The following ARHGAP12 variants were observed in gnomAD, a reference collection of about 807,000 sequenced individuals.
ARHGAP12 encodes rho GTPase-activating protein 12.
Under a neutral mutation model 108.6 loss-of-function variants are expected in ARHGAP12, and 64 were observed. The ratio of observed to expected loss-of-function variants is 0.59; its 90% CI spans 0.48 to 0.73. The LOEUF is 0.73. ARHGAP12 is among the 30% of genes least tolerant of loss of function. The pLI is 0.00. For synonymous variants in ARHGAP12, 312 were observed against 337.2 expected, an observed-to-expected ratio of 0.93 and a Z score of 0.82; for missense variants, 940 against 1,005.9, an observed-to-expected ratio of 0.93 and a Z score of 0.89.
chr10:31,850,050 G>C (rs928836452), intron 6 of ARHGAP12, among the ~76,000 whole-genome samples: 11 of 152,004 alleles, frequency 7.2e-5, no homozygotes, highest in Non-Finnish European at 1.6e-4. Context: ...CCCTGACCTG[G>C]GACAAATCAC....
intron 3 of ARHGAP12, among the ~76,000 whole-genome samples, chr10:31,897,046 T>C (rs1345105994): frequency 6.6e-6 from 1 of 151,970 alleles, no homozygotes. Flanking sequence ...CTTCTAGGAG[T>C]GGCAGTCTTG....
intron 1 of ARHGAP12, among the ~76,000 whole-genome samples, chr10:31,925,155 T>G (rs902735168): frequency 6.6e-6 from 1 of 152,186 alleles, no homozygotes; most frequent in Non-Finnish European, 1.5e-5. Flanking sequence ...AAATAGTGCA[T>G]GGAGCATGGC....
intron 3 of ARHGAP12, among the ~76,000 whole-genome samples, chr10:31,897,889 G>A (rs1838765386): frequency 6.6e-6 from 1 of 152,194 alleles, no homozygotes; most frequent in Non-Finnish European, 1.5e-5. Flanking sequence ...ACTTTGGGAG[G>A]TCAAGGCAGG....
At chr10:31,921,886 G>A (rs1380884649) in intron 1 of ARHGAP12, among the ~76,000 whole-genome samples, 3 of 151,476 alleles carry the variant, frequency 2.0e-5, no homozygotes, top group East Asian at 1.9e-4. Context: ...CCAGAGCCTG[G>A]TTCTTTAAGA....
intron 3 of ARHGAP12, among the ~76,000 whole-genome samples, chr10:31,892,570 G>A (rs1026449305): frequency 9.2e-5 from 14 of 152,280 alleles, no homozygotes; most frequent in South Asian, 6.2e-4. Flanking sequence ...AAACATATAC[G>A]CATCCAATAC....
At chr10:31,856,991 A>G (rs963721115) in intron 4 of ARHGAP12, among the ~76,000 whole-genome samples, 3 of 152,244 alleles carry the variant, frequency 2.0e-5, no homozygotes, top group Non-Finnish European at 4.4e-5. Context: ...TACTAATATT[A>G]TATGTCTTGG....
At chr10:31,928,196 ACACCCGCCTTTTGCAGACACACGCGCGCG>A (rs2132520920) in intron 1 of ARHGAP12, among the ~76,000 whole-genome samples, 1 of 143,768 alleles carries the variant, frequency 7.0e-6, no homozygotes, top group Admixed American at 7.1e-5. Context: ...ACACACACAC[ACACCCGCCTTTTGCAGACACACGCGCGCG>A]CACACACCCG....
Position 31,807,690 on chromosome 10 carries a change from GAATT to G in ARHGAP12, c.2505_2508del (p.Leu835PhefsTer5). On this transcript the variant is annotated frameshift_variant, in exon 20 of 20. Coordinates refer to ENST00000344936, the MANE Select transcript of ARHGAP12 (RefSeq NM_018287.7). LOFTEE classifies it high-confidence loss of function. Reference sequence around the variant, plus strand: ...CCGAAGATGGAACTCAGTTCCAGAAGAATTAATTCTACAATCTGATTCTGGTACA... The same window carrying G: ...CCGAAGATGGAACTCAGTTCCAGAAGAATTCTACAATCTGATTCTGGTACA... The G allele has an allele frequency of 6.2e-7, 1 of 1,604,358 alleles. No homozygotes were observed. The highest frequency in any genetic ancestry group is 8.5e-7 in the Non-Finnish European group (1 of 1,177,126).
In ARHGAP12 at chr10:31,833,913, G is replaced by C. The variant is rs555665692; in HGVS notation, c.1387-2113C>G. The stretch of plus-strand genomic sequence containing the variant: ...AGAAGTGGCAAGAAATGAGGTAGCA[G>C]AAAGAATGCACTAAGAAAGGGTAGC... On this transcript the variant is annotated intron_variant, in intron 9 of 19. Coordinates refer to ENST00000344936, the MANE Select transcript of ARHGAP12 (RefSeq NM_018287.7). 8.5e-5 allele frequency among the ~76,000 whole-genome samples: 13 copies of C among 152,320 alleles called. No homozygotes were observed. The South Asian group carries it at 2.7e-3, about 32-fold the overall frequency.
chr10:31,891,980 G>A (rs1297982130), intron 3 of ARHGAP12, among the ~76,000 whole-genome samples: 4 of 152,038 alleles, frequency 2.6e-5, no homozygotes, highest in Non-Finnish European at 5.9e-5. Context: ...TTAGCCATTC[G>A]TCTAATCTTT....
rs1592371169 is a variant in ARHGAP12 at position 31,908,917 on chromosome 10, A to C, written c.-62T>G. Reference sequence around the variant, plus strand: ...ACATTATGGCTTTATGGCTTGTTGGATGAATATAGCTGTTTTATTTAAATG... The same window carrying C: ...ACATTATGGCTTTATGGCTTGTTGGCTGAATATAGCTGTTTTATTTAAATG... On this transcript the variant is annotated 5_prime_UTR_variant, in exon 3 of 20. Coordinates refer to ENST00000344936, the MANE Select transcript of ARHGAP12 (RefSeq NM_018287.7). 2 of 1,398,160 alleles carry C rather than the reference A, an allele frequency of 1.4e-6. No homozygotes were observed. Among genetic ancestry groups the C allele is most frequent in the Admixed American group, 4.4e-5 (2 of 45,020 alleles). 86.6% of individuals were successfully genotyped at this position (1,398,160 alleles called of 1,614,324 possible).
chr10:31,906,749 A>C (rs1839148053), intron 3 of ARHGAP12, among the ~76,000 whole-genome samples: 1 of 152,222 alleles, frequency 6.6e-6, no homozygotes, highest in Non-Finnish European at 1.5e-5. Context: ...AGTGAACTTA[A>C]GATGACTGTA....
chr10:31,845,714 G>C (rs965233140), intron 6 of ARHGAP12, among the ~76,000 whole-genome samples: 16 of 152,108 alleles, frequency 1.1e-4, no homozygotes, highest in Admixed American at 3.9e-4. Flanking sequence ...GAATCTGGGA[G>C]GTGGAAGCTG....
At chr10:31,888,728 A>G (rs1160389298) in intron 3 of ARHGAP12, among the ~76,000 whole-genome samples, 1 of 152,208 alleles carries the variant, frequency 6.6e-6, no homozygotes, top group African/African-American at 2.4e-5. Flanking sequence ...ATGAAAGCAG[A>G]AAAAAAGAGT....
At chr10:31,928,528 C>T (rs1457431445) in intron 1 of ARHGAP12, among the ~76,000 whole-genome samples, 155 bp downstream of exon 1, 2 of 150,766 alleles carry the variant, frequency 1.3e-5, no homozygotes, top group African/African-American at 4.8e-5. Flanking sequence ...TTGCGCGCAC[C>T]TCCGCGGCGC....
intron 16 of ARHGAP12, chr10:31,809,589 A>G: frequency 4.0e-6 from 1 of 251,826 alleles, no homozygotes; most frequent in Non-Finnish European, 7.7e-6. Context: ...TAAAACACTA[A>G]CAATTTCAAA....
At chr10:31,810,014 G>A (rs188560631) in intron 16 of ARHGAP12, among the ~76,000 whole-genome samples, 3 of 152,246 alleles carry the variant, frequency 2.0e-5, no homozygotes. Context: ...TGGGACAAGA[G>A]ATCTGTAACT....
intron 1 of ARHGAP12, among the ~76,000 whole-genome samples, chr10:31,924,884 A>C (rs1839967358): frequency 6.6e-6 from 1 of 152,208 alleles, no homozygotes; most frequent in Non-Finnish European, 1.5e-5. Flanking sequence ...AAGAAAGAAA[A>C]AAAACTTTGT....
chr10:31,822,476 T>G (rs930375419), intron 11 of ARHGAP12, among the ~76,000 whole-genome samples: 1 of 152,210 alleles, frequency 6.6e-6, no homozygotes, highest in Non-Finnish European at 1.5e-5. Flanking sequence ...CAATTCTATA[T>G]GCAGACATAC....
Sources: allele counts gnomAD v4.1 joint callset (sites outside exome capture counted in the v4.1 genomes callset), GRCh38; gene constraint gnomAD v4.1.1; transcripts MANE v1.5; gene names NCBI Gene and HGNC (gene_info 2026-07-23, HGNC 2026-07-21).